Variants in MTCL1 observed in about 807,000 individuals in gnomAD.
MTCL1 encodes the protein microtubule crosslinking factor 1, also known as microtubule cross-linking factor 1.
In MTCL1, 79 loss-of-function variants were observed where a neutral mutation model predicts 141.4. The ratio of observed to expected loss-of-function variants is 0.56; its 90% CI spans 0.47 to 0.67. MTCL1 has a LOEUF of 0.67. Ranked by LOEUF, MTCL1 falls within the 30% of genes least tolerant of loss-of-function variation. MTCL1 has a pLI of 0.00. For missense variants in MTCL1, 2,177 were observed against 2,113.9 expected, an observed-to-expected ratio of 1.03 and a Z score of -0.59; for synonymous variants, 914 against 875.8, an observed-to-expected ratio of 1.04 and a Z score of -0.77.
At chr18:8,750,158 C>T (rs1205208170) in intron 4 of MTCL1, among the ~76,000 whole-genome samples, 1 of 152,116 alleles carries the variant, frequency 6.6e-6, no homozygotes, top group Non-Finnish European at 1.5e-5. Flanking sequence ...ATCCTCCCAC[C>T]TCAGCCTCCC....
intron 15 of MTCL1, 126 bp downstream of exon 14, chr18:8,826,358 A>C: frequency 1.0e-6 from 1 of 963,918 alleles, no homozygotes; most frequent in South Asian, 1.9e-5. Flanking sequence ...GGTTATTGGG[A>C]GCTGGGGAGG....
intron 4 of MTCL1, among the ~76,000 whole-genome samples, chr18:8,771,268 C>T (rs774713414): frequency 6.6e-6 from 1 of 152,086 alleles, no homozygotes; most frequent in Non-Finnish European, 1.5e-5. Flanking sequence ...GGATTACAGG[C>T]GTGAGCTCCC....
chr18:8,705,605 G>GCCGCCGCCA, upstream of MTCL1: 1 of 1,206,904 alleles, frequency 8.3e-7, no homozygotes, highest in Non-Finnish European at 1.0e-6. This position sits in a 1 kb window ranked among gnomAD's most constrained non-coding sequence, Gnocchi z 5.2. Context: ...CGCCGCCGCC[G>GCCGCCGCCA]CCGCCGTCGT....
At chr18:8,801,198 A>C (rs1262544359) in intron 10 of MTCL1, among the ~76,000 whole-genome samples, 1 of 152,112 alleles carries the variant, frequency 6.6e-6, no homozygotes, top group Non-Finnish European at 1.5e-5. Context: ...AGGCCCCAGC[A>C]GTCTTCCTTT....
At chr18:8,713,301 C>T (rs925201776), upstream of MTCL1, among the ~76,000 whole-genome samples, 1 of 152,204 alleles carries the variant, frequency 6.6e-6, no homozygotes, top group Non-Finnish European at 1.5e-5. Context: ...ATCCTCCAGA[C>T]TTGATGTTAA....
chr18:8,741,861 C>T (rs2096305071), intron 4 of MTCL1, among the ~76,000 whole-genome samples: 1 of 152,188 alleles, frequency 6.6e-6, no homozygotes, highest in Non-Finnish European at 1.5e-5. Context: ...GTTCGCTTGA[C>T]TTAGTGTGGC....
chr18:8,795,947 AG>A (rs1431106139), intron 8 of MTCL1, among the ~76,000 whole-genome samples: 2 of 152,278 alleles, frequency 1.3e-5, no homozygotes, highest in African/African-American at 4.8e-5. Context: ...GTTTTCCTGA[AG>A]GAGTTTAGAG....
exon 15 of MTCL1, chr18:8,824,831 G>A (rs760319144): frequency 1.4e-5 from 22 of 1,614,018 alleles, no homozygotes; most frequent in Non-Finnish European, 1.8e-5. Flanking sequence ...ACGACCTCAA[G>A]TACATCGAGG....
upstream of MTCL1, among the ~76,000 whole-genome samples, chr18:8,715,516 A>G (rs150925842): frequency 6.6e-6 from 1 of 152,344 alleles, no homozygotes; most frequent in African/African-American, 2.4e-5. Flanking sequence ...ATATACAGAT[A>G]TTGACTTAGT....
At chr18:8,803,012 C>T (rs1184676437) in intron 10 of MTCL1, among the ~76,000 whole-genome samples, 1 of 152,020 alleles carries the variant, frequency 6.6e-6, no homozygotes, top group Non-Finnish European at 1.5e-5. Context: ...CAAAAGGTAA[C>T]CCAGCAAGGG....
rs2096526411 is a variant in MTCL1, at chr18:8,779,718, G to T, written c.417+1826G>T. ...AGTCTTTCTTTCAAACCCTGCTTTA[G>T]TCTTGGTGGCAGGCCTCATAGTGCA... is the stretch of plus-strand genomic sequence containing the variant. On this transcript the variant is annotated intron_variant, in intron 5 of 16. Transcript: ENST00000359865. The surrounding 1 kb of genome is among the most constrained non-coding windows in gnomAD (Gnocchi z 4.1). Among the ~76,000 whole-genome samples the T allele has an allele frequency of 6.6e-6, 1 of 152,148 alleles. No homozygotes were observed. The highest frequency in any genetic ancestry group is 2.1e-4 in the South Asian group (1 of 4,802).
At position 8,705,694 on chromosome 18, in the gene MTCL1, G is replaced by T. The variant is rs1364422104; in HGVS notation, c.34G>T (p.Ala12Ser). ...ACTGAACGGCCCCGCGGGCGGAGGT[G>T]CCCCGGACGCGAAGCTGCAGCCGCC... The change falls in exon 1 of 14, where the codon GCC (alanine) becomes TCC (serine). Residue 12 changes from alanine (A) to serine (S), a missense_variant. Coordinates refer to the MTCL1 transcript ENST00000306329. The surrounding 1 kb of genome is among the most constrained non-coding windows in gnomAD (Gnocchi z 5.2). 8.3e-7 allele frequency: 1 copy of T among 1,201,324 alleles called. No individual in the cohort carries two copies. The highest frequency in any genetic ancestry group is 1.0e-6 in the Non-Finnish European group (1 of 967,756). The allele number at this position is 1,201,324 out of a possible 1,614,324, so 74.4% of individuals were successfully genotyped here.
chr18:8,763,080 CCCAA>C (rs2096441270), intron 4 of MTCL1, among the ~76,000 whole-genome samples: 1 of 152,200 alleles, frequency 6.6e-6, no homozygotes, highest in Admixed American at 6.5e-5. Flanking sequence ...TTCTTCTCCC[CCCAA>C]CCAAGCCCGC....
At chr18:8,821,636 C>A in intron 14 of MTCL1, 138 bp downstream of exon 13, 1 of 505,792 alleles carries the variant, frequency 2.0e-6, no homozygotes. Context: ...GAAGTGGCTG[C>A]TTTATTATTC....
At chr18:8,816,838 T>C (rs655485) in intron 12 of MTCL1, among the ~76,000 whole-genome samples, 6,312 of 152,324 alleles carry the variant, frequency 0.041, 159 homozygotes, top group South Asian at 0.059. Flanking sequence ...GTTGTTTTAC[T>C]GCAAGATTGC....
chr18:8,827,132 G>A (rs546793384), intron 15 of MTCL1, among the ~76,000 whole-genome samples: 1 of 152,340 alleles, frequency 6.6e-6, no homozygotes, highest in South Asian at 2.1e-4. Flanking sequence ...CTGGCCCCAT[G>A]AGCACTCTCC....
At chr18:8,829,568 C>T (rs942948625) in intron 16 of MTCL1, 6 of 984,654 alleles carry the variant, frequency 6.1e-6, no homozygotes, top group Non-Finnish European at 7.2e-6. Context: ...GAGACCTTCC[C>T]TCAGAATTGC....
At chr18:8,750,935 C>T (rs1170295546) in intron 4 of MTCL1, among the ~76,000 whole-genome samples, 1 of 152,146 alleles carries the variant, frequency 6.6e-6, no homozygotes, top group Non-Finnish European at 1.5e-5. Flanking sequence ...GATAAAGTTA[C>T]TGGCAAGGCG....
At chr18:8,747,047 G>A (rs1055050307) in intron 4 of MTCL1, among the ~76,000 whole-genome samples, 4 of 152,100 alleles carry the variant, frequency 2.6e-5, no homozygotes, top group Non-Finnish European at 4.4e-5. Context: ...TCACCCTTCC[G>A]ATGTCCTGTG....
Sources: allele counts gnomAD v4.1 joint callset (sites outside exome capture counted in the v4.1 genomes callset), GRCh38; gene constraint gnomAD v4.1.1; non-coding constraint Gnocchi (gnomAD v3.1); transcripts MANE v1.5; gene names NCBI Gene and HGNC (gene_info 2026-07-23, HGNC 2026-07-21).